The following FRMD4B variants were observed in gnomAD, a reference collection of about 807,000 sequenced individuals.
FRMD4B encodes the protein FERM domain containing 4B.
Under a neutral mutation model 141.5 loss-of-function variants are expected in FRMD4B, and 74 were observed. That is an observed-to-expected ratio of 0.52 (90% CI 0.43 to 0.63). FRMD4B has a LOEUF of 0.63. FRMD4B is among the 30% of genes least tolerant of loss of function. FRMD4B has a pLI of 0.00. For synonymous variants in FRMD4B, 506 were observed against 467.9 expected, an observed-to-expected ratio of 1.08 and a Z score of -1.05; for missense variants, 1,366 against 1,253.4, an observed-to-expected ratio of 1.09 and a Z score of -1.36.
chr3:69,389,230 C>T (rs999630887), upstream of FRMD4B, among the ~76,000 whole-genome samples: 2 of 152,000 alleles, frequency 1.3e-5, no homozygotes, highest in Non-Finnish European at 2.9e-5. Context: ...GATGGGGTTT[C>T]AGCATGTTGG....
chr3:69,426,479 C>G (rs1182258730), intron 2 of FRMD4B, among the ~76,000 whole-genome samples: 1 of 152,174 alleles, frequency 6.6e-6, no homozygotes, highest in Non-Finnish European at 1.5e-5. Context: ...TTGGTAATGC[C>G]TGCCTGGAGC....
chr3:69,350,851 G>A (rs1179375858), intron 1 of FRMD4B, among the ~76,000 whole-genome samples: 2 of 132,538 alleles, frequency 1.5e-5, no homozygotes, highest in African/African-American at 5.6e-5. Flanking sequence ...GGAGGGGGGA[G>A]GGATAGCATT....
chr3:69,471,955 T>C (rs1705899475), intron 1 of FRMD4B: 1 of 155,666 alleles, frequency 6.4e-6, no homozygotes. Flanking sequence ...GGGGGCTCTA[T>C]TTATTCTACT....
At chr3:69,346,867 C>A (rs1019983706) in intron 1 of FRMD4B, among the ~76,000 whole-genome samples, 12 of 152,186 alleles carry the variant, frequency 7.9e-5, no homozygotes, top group African/African-American at 2.9e-4. Context: ...ATACCAGCCA[C>A]TGCAAAATCA....
chr3:69,258,928 CTT>C (rs1293955627), intron 5 of FRMD4B, among the ~76,000 whole-genome samples: 2 of 152,136 alleles, frequency 1.3e-5, no homozygotes, highest in Non-Finnish European at 2.9e-5. Context: ...AGTCCTCAGC[CTT>C]TTTGGCACCA....
chr3:69,210,293 A>G (rs1055763892), intron 11 of FRMD4B, among the ~76,000 whole-genome samples: 3 of 152,258 alleles, frequency 2.0e-5, no homozygotes, highest in African/African-American at 7.2e-5. Context: ...GAAGGGATAC[A>G]AATCTGTCAT....
chr3:69,190,822 G>C (rs536588275), intron 17 of FRMD4B, among the ~76,000 whole-genome samples: 16 of 152,274 alleles, frequency 1.1e-4, no homozygotes, highest in Non-Finnish European at 1.8e-4. Flanking sequence ...AGCCTCCCTG[G>C]TTGAGAACCA....
chr3:69,407,869 A>AT (rs892044748), intron 2 of FRMD4B, among the ~76,000 whole-genome samples: 1 of 151,896 alleles, frequency 6.6e-6, no homozygotes, highest in African/African-American at 2.4e-5. Flanking sequence ...TAGGCATTTG[A>AT]TTTTTTTTCC....
chr3:69,361,658 T>C (rs1398357894), intron 1 of FRMD4B, among the ~76,000 whole-genome samples: 3 of 152,246 alleles, frequency 2.0e-5, no homozygotes, highest in African/African-American at 4.8e-5. Flanking sequence ...TATTCATTCA[T>C]GGTGTTGCAT....
At chr3:69,407,859 T>A (rs1704675698) in intron 2 of FRMD4B, among the ~76,000 whole-genome samples, 1 of 152,220 alleles carries the variant, frequency 6.6e-6, no homozygotes, top group South Asian at 2.1e-4. Context: ...TTCCAAATAT[T>A]AGGCATTTGA....
chr3:69,242,871 G>A lies in FRMD4B; in HGVS notation c.581+6355C>T, dbSNP rs2106721638. 1.3e-5 allele frequency among the ~76,000 whole-genome samples: 2 copies of A among 151,532 alleles called. 1 individual carries two copies. Among genetic ancestry groups the A allele is most frequent in the South Asian group, 4.2e-4 (2 of 4,788 alleles). ...TAGCCGGGCGTGGTGGTGGGCACATGTAATCCCAGTTACTCGGGAGGCTGA... is the reference window on the plus strand; with the variant it reads ...TAGCCGGGCGTGGTGGTGGGCACATATAATCCCAGTTACTCGGGAGGCTGA... On this transcript the variant is annotated intron_variant, in intron 7 of 22. Transcript: ENST00000398540.
chr3:69,491,088 T>G (rs1301082357), intron 1 of FRMD4B, among the ~76,000 whole-genome samples: 1 of 151,944 alleles, frequency 6.6e-6, no homozygotes, highest in African/African-American at 2.4e-5. Context: ...TCAGGAAAGA[T>G]CAATAGGAGG....
chr3:69,254,684 G>A (rs1408926016), intron 5 of FRMD4B, among the ~76,000 whole-genome samples: 1 of 152,098 alleles, frequency 6.6e-6, no homozygotes, highest in Non-Finnish European at 1.5e-5. Context: ...TGGAAACTGG[G>A]GGCTGGGAAA....
At chr3:69,499,653 G>C (rs902989346) in intron 1 of FRMD4B, among the ~76,000 whole-genome samples, 1 of 152,178 alleles carries the variant, frequency 6.6e-6, no homozygotes, top group Admixed American at 6.5e-5. Context: ...CTCTACTGAA[G>C]TGCTATCTTA....
intron 1 of FRMD4B, among the ~76,000 whole-genome samples, chr3:69,357,672 C>T (rs146082737): frequency 7.9e-5 from 12 of 152,284 alleles, no homozygotes; most frequent in Non-Finnish European, 1.3e-4. Context: ...ACTTTCATCA[C>T]AGAACATTTC....
At chr3:69,200,603 G>T in intron 11 of FRMD4B, 2 of 1,194,438 alleles carry the variant, frequency 1.7e-6, no homozygotes, top group Non-Finnish European at 2.1e-6. Flanking sequence ...ACTCTCCTGA[G>T]TGACACCTCC....
At chr3:69,256,369 GAGTGC>G (rs2093493126) in intron 5 of FRMD4B, among the ~76,000 whole-genome samples, 1 of 152,178 alleles carries the variant, frequency 6.6e-6, no homozygotes, top group African/African-American at 2.4e-5. Context: ...TCACAGGCTG[GAGTGC>G]AGTGGCATAA....
At chr3:69,274,284 G>T (rs185906597) in intron 5 of FRMD4B, among the ~76,000 whole-genome samples, 1 of 152,174 alleles carries the variant, frequency 6.6e-6, no homozygotes, top group East Asian at 1.9e-4. Flanking sequence ...CATCCATTGA[G>T]GTAGAAACTT....
intron 1 of FRMD4B, among the ~76,000 whole-genome samples, chr3:69,454,113 T>A (rs1705544880): frequency 6.6e-6 from 1 of 152,140 alleles, no homozygotes; most frequent in Non-Finnish European, 1.5e-5. Flanking sequence ...TCCTGCTGTA[T>A]CCCCAGCGAT....
Sources: allele counts gnomAD v4.1 joint callset (sites outside exome capture counted in the v4.1 genomes callset), GRCh38; gene constraint gnomAD v4.1.1; transcripts MANE v1.5; gene names NCBI Gene and HGNC (gene_info 2026-07-23, HGNC 2026-07-21).